The following WASF3 variants were observed in gnomAD, a reference collection of about 807,000 sequenced individuals.
WASF3 encodes WASP family member 3, also known as actin-binding protein WASF3.
In WASF3, 11 loss-of-function variants were observed where a neutral mutation model predicts 46.6. The observed-to-expected ratio is 0.24, with a 90% CI of 0.15 to 0.39. WASF3 has a LOEUF of 0.39. WASF3 is among the 10% of genes least tolerant of loss of function. The pLI is 1.00. For synonymous variants in WASF3, 242 were observed against 259.7 expected (o/e 0.93, Z 0.65); for missense variants, 576 against 669.8 (o/e 0.86, Z 1.55).
At chr13:26,545,062 G>T in the WASF3 span, among the ~76,000 whole-genome samples, 1 of 152,230 alleles carries the variant, frequency 6.6e-6, no homozygotes, top group Admixed American at 6.5e-5. Flanking sequence ...CACTGGGCAT[G>T]GCTTGCTCAG....
Position 26,631,207 on chromosome 13 carries a change from T to C in WASF3, c.-10-11054T>C, listed in dbSNP as rs977455904. On this transcript the variant is annotated intron_variant, in intron 2 of 9. Coordinates refer to ENST00000335327, the MANE Select transcript of WASF3 (RefSeq NM_006646.6). ...GCTTTTGTTTCCATTGCTTTTGATATTACTGCACAGGGACTCATGGAGTCC... is the reference window on the plus strand; with the variant it reads ...GCTTTTGTTTCCATTGCTTTTGATACTACTGCACAGGGACTCATGGAGTCC... Among the ~76,000 whole-genome samples, 5 of 152,356 alleles carry C rather than the reference T, an allele frequency of 3.3e-5. No homozygotes were observed. The South Asian group carries it at 1.0e-3, about 32-fold the overall frequency.
chr13:26,653,721 A>G (rs1882385865), intron 3 of WASF3, among the ~76,000 whole-genome samples: 1 of 152,124 alleles, frequency 6.6e-6, no homozygotes, highest in Non-Finnish European at 1.5e-5. Flanking sequence ...AAGTGACCTC[A>G]TCAGGTTCCA....
chr13:26,646,943 G>A (rs763790063), intron 3 of WASF3, among the ~76,000 whole-genome samples: 4 of 152,198 alleles, frequency 2.6e-5, no homozygotes, highest in Non-Finnish European at 4.4e-5. Context: ...AGCAAGAAAA[G>A]AATCTGGTCT....
Position 26,681,182 on chromosome 13 carries a change from C to T in WASF3, c.845C>T (p.Ala282Val), listed in dbSNP as rs770387834. 30 of 1,614,122 alleles carry T rather than the reference C, an allele frequency of 1.9e-5. No individual in the cohort carries two copies. The Middle Eastern group carries it at 4.9e-4, about 27-fold the overall frequency. Reference sequence around the variant, plus strand: ...CCACACGGGCCTGCAAGCCAGGCTGCGGAGCATGAGTACCGGCCCCCATCT... The same window carrying T: ...CCACACGGGCCTGCAAGCCAGGCTGTGGAGCATGAGTACCGGCCCCCATCT... ...VPPHGPASQA[A>V]EHEYRPPSAS... Residue 282 changes from alanine to valine, a missense_variant, in exon 8 of 10, where the codon GCG becomes GTG. This residue lies in a region of WASF3 where 295 missense variants were observed against 291.5 expected (regional missense o/e 1.01). Transcript: ENST00000335327.
the WASF3 span, among the ~76,000 whole-genome samples, chr13:26,546,643 C>T: frequency 3.3e-5 from 5 of 152,086 alleles, no homozygotes; most frequent in East Asian, 1.9e-4. Context: ...ACCCGGGAGG[C>T]GGAGGTTGTG....
upstream of WASF3, among the ~76,000 whole-genome samples, chr13:26,554,042 TC>T (rs1566032348): frequency 0.018 from 640 of 34,674 alleles, 43 homozygotes; most frequent in African/African-American, 0.053. Flanking sequence ...TCTCTTTCTT[TC>T]CTTCCTTCCT....
chr13:26,655,854 G>A (rs1351010546), intron 3 of WASF3, among the ~76,000 whole-genome samples: 1 of 151,954 alleles, frequency 6.6e-6, no homozygotes, highest in Non-Finnish European at 1.5e-5. Context: ...GTGTCCTTTT[G>A]ACATCTCCCC....
chr13:26,561,031 A>C (rs538570), intron 1 of WASF3, among the ~76,000 whole-genome samples: 2 of 152,060 alleles, frequency 1.3e-5, no homozygotes, highest in African/African-American at 4.8e-5. Flanking sequence ...GAGGTGATGC[A>C]CTGGAGCAAC....
intron 4 of WASF3, among the ~76,000 whole-genome samples, chr13:26,665,709 A>G (rs1020219753): frequency 1.3e-5 from 2 of 152,224 alleles, no homozygotes; most frequent in Non-Finnish European, 2.9e-5. Context: ...TTGTATAGTT[A>G]ACTGATAGTC....
chr13:26,654,587 G>GA (rs1161581131), intron 3 of WASF3, among the ~76,000 whole-genome samples: 1 of 152,110 alleles, frequency 6.6e-6, no homozygotes, highest in Non-Finnish European at 1.5e-5. Flanking sequence ...AATATTTGCT[G>GA]AAAAAATGAA....
chr13:26,561,135 G>GC (rs1011879486), intron 1 of WASF3, among the ~76,000 whole-genome samples: 4 of 152,128 alleles, frequency 2.6e-5, no homozygotes, highest in African/African-American at 9.7e-5. Flanking sequence ...GAGGGACTGT[G>GC]CCTTGTGGGG....
At chr13:26,607,599 T>C (rs977037299) in intron 1 of WASF3, among the ~76,000 whole-genome samples, 1 of 152,138 alleles carries the variant, frequency 6.6e-6, no homozygotes, top group Non-Finnish European at 1.5e-5. Flanking sequence ...TTTTTGTTTT[T>C]AATAGAAAAC....
At chr13:26,669,921 G>A (rs1227832838) in intron 5 of WASF3, among the ~76,000 whole-genome samples, 2 of 152,202 alleles carry the variant, frequency 1.3e-5, no homozygotes, top group East Asian at 3.9e-4. Flanking sequence ...GTGTAAATAA[G>A]TTCAACCATT....
intron 2 of WASF3, among the ~76,000 whole-genome samples, chr13:26,637,022 C>T (rs1312203131): frequency 6.6e-6 from 1 of 152,218 alleles, no homozygotes; most frequent in Non-Finnish European, 1.5e-5. Context: ...GCATGTGTGT[C>T]TTACCAAGGG....
chr13:26,671,446 A>G (rs1882922056), intron 5 of WASF3, among the ~76,000 whole-genome samples: 1 of 152,238 alleles, frequency 6.6e-6, no homozygotes, highest in Non-Finnish European at 1.5e-5. Flanking sequence ...AGTACTTACT[A>G]ATTTTTATCC....
At chr13:26,641,138 A>C (rs1373175598) in intron 2 of WASF3, 1 of 152,120 alleles carries the variant, frequency 6.6e-6, no homozygotes, top group African/African-American at 2.4e-5. Flanking sequence ...TCTTTAATTT[A>C]CCTTTCTTTT....
intron 2 of WASF3, among the ~76,000 whole-genome samples, chr13:26,637,484 T>A (rs752010734): frequency 6.4e-4 from 97 of 152,322 alleles, no homozygotes; most frequent in South Asian, 6.2e-4. Flanking sequence ...CAGCTTTTCA[T>A]TCTGTCTGCC....
At chr13:26,577,256 T>C in intron 1 of WASF3, 1 of 738,226 alleles carries the variant, frequency 1.4e-6, no homozygotes, top group Admixed American at 1.8e-5. Context: ...AAGCTCATGT[T>C]GATGTCAGGA....
At chr13:26,608,201 A>G (rs1001992462) in intron 1 of WASF3, among the ~76,000 whole-genome samples, 1 of 152,170 alleles carries the variant, frequency 6.6e-6, no homozygotes, top group African/African-American at 2.4e-5. Context: ...ACAATGCCAT[A>G]TCAGGCATGG....
Sources: gnomAD v4.1 joint callset for allele counts (sites outside exome capture counted in the v4.1 genomes callset) on GRCh38, gnomAD v4.1.1 for gene constraint, gnomAD v4.1.1 regional missense constraint, MANE v1.5 for transcripts, NCBI Gene and HGNC (gene_info 2026-07-23, HGNC 2026-07-21) for gene names.